Variants in AFAP1L2 observed in about 807,000 individuals in gnomAD.
AFAP1L2 encodes the protein actin filament associated protein 1 like 2, also known as actin filament-associated protein 1-like 2.
Under a neutral mutation model 99.3 loss-of-function variants are expected in AFAP1L2, and 46 were observed. That is an observed-to-expected ratio of 0.46 (90% confidence interval 0.37 to 0.59). AFAP1L2 has a LOEUF of 0.59. Among genes scored for constraint, AFAP1L2 ranks in the 20% least tolerant of loss-of-function variants. AFAP1L2 has a pLI of 0.00. For synonymous variants in AFAP1L2, 397 were observed against 419.1 expected (o/e 0.95, Z 0.64); for missense variants, 959 against 1,034.9 (o/e 0.93, Z 1.01).
chr10:114,330,845 G>A (rs1422025147), intron 4 of AFAP1L2, among the ~76,000 whole-genome samples: 4 of 152,216 alleles, frequency 2.6e-5, no homozygotes, highest in Non-Finnish European at 5.9e-5. Context: ...ATCAGGAGAG[G>A]AGACAGTAAA....
chr10:114,307,768 A>C, intron 10 of AFAP1L2, 37 bp downstream of exon 10: 2 of 1,578,998 alleles, frequency 1.3e-6, no homozygotes, highest in African/African-American at 2.7e-5. Context: ...AGCCCAGGAA[A>C]TGAGCCTGTG....
chr10:114,327,177 T>TATATATATATATATATATATA lies in AFAP1L2; in HGVS notation c.316-3917_316-3916insTATATATATATATATATATAT, dbSNP rs2046492525. 2.5e-4 allele frequency among the ~76,000 whole-genome samples: 17 copies of TATATATATATATATATATATA among 67,218 alleles called. 1 individual carries two copies. The highest frequency in any genetic ancestry group is 6.7e-4 in the Admixed American group (3 of 4,504). The allele number at this position is 67,218 out of a possible 152,430, so 44.1% of individuals were successfully genotyped here. ...TATATATATATATATATATATATTT[T>TATATATATATATATATATATA]TTTTTTAGGCAGAGTCTCACTGTGT... On this transcript the variant is annotated intron_variant, in intron 4 of 18. Transcript: ENST00000304129.
intron 16 of AFAP1L2, among the ~76,000 whole-genome samples, chr10:114,298,674 C>A (rs1432716348): frequency 6.6e-6 from 1 of 152,130 alleles, no homozygotes; most frequent in African/African-American, 2.4e-5. Flanking sequence ...CATTGCAAGA[C>A]CCCATCTCAA....
At position 114,304,674 on chromosome 10, in the gene AFAP1L2, C is replaced by T. The variant is rs200440623; in HGVS notation, c.1284+45G>A. The T allele has an allele frequency of 1.9e-4, 285 of 1,512,294 alleles. 2 individuals are homozygous for T. The African/African-American group carries it at 3.4e-3, about 18-fold the overall frequency. The allele number at this position is 1,512,294 out of a possible 1,614,324, so 93.7% of individuals were successfully genotyped here. A position where few individuals can be genotyped will look rare whatever the true frequency, so the allele number is the denominator to read the frequency against. ...GAGACTGGCAGCAAACAGCCACCAC[C>T]GCCACACCCTGGCTGGCCCTGCTCC... is the stretch of plus-strand genomic sequence containing the variant. On this transcript the variant is annotated intron_variant, in intron 11 of 18. Coordinates refer to ENST00000304129, the MANE Select transcript of AFAP1L2 (RefSeq NM_001001936.3).
At chr10:114,349,589 G>A (rs2050151126) in intron 1 of AFAP1L2, among the ~76,000 whole-genome samples, 1 of 147,438 alleles carries the variant, frequency 6.8e-6, no homozygotes. Flanking sequence ...CAGTGTAGAA[G>A]GCAAGGGTCA....
chr10:114,405,084 G>T (rs924060590), upstream of AFAP1L2, among the ~76,000 whole-genome samples: 1 of 152,188 alleles, frequency 6.6e-6, no homozygotes, highest in Non-Finnish European at 1.5e-5. Context: ...AACCTCTCTG[G>T]GCAGCCGCTG....
chr10:114,339,122 A>G (rs1489506031), intron 2 of AFAP1L2, among the ~76,000 whole-genome samples: 1 of 152,232 alleles, frequency 6.6e-6, no homozygotes, highest in Non-Finnish European at 1.5e-5. Context: ...ATAATTTATT[A>G]TTCCATCTCT....
chr10:114,387,415 C>A (rs1590800979), intron 1 of AFAP1L2, among the ~76,000 whole-genome samples: 1 of 152,110 alleles, frequency 6.6e-6, no homozygotes, highest in East Asian at 1.9e-4. Context: ...TCCCCTGCCC[C>A]ACATAGAACC....
chr10:114,364,109 G>A (rs1241986534), intron 1 of AFAP1L2, among the ~76,000 whole-genome samples: 3 of 152,160 alleles, frequency 2.0e-5, no homozygotes, highest in Non-Finnish European at 2.9e-5. Context: ...CTCTTTGCTT[G>A]CTGACATTCT....
chr10:114,359,985 G>C (rs1013620449), intron 1 of AFAP1L2, among the ~76,000 whole-genome samples: 13 of 152,190 alleles, frequency 8.5e-5, no homozygotes, highest in Non-Finnish European at 1.5e-4. Flanking sequence ...CCCACAAAGA[G>C]AGTGTGATGG....
intron 1 of AFAP1L2, among the ~76,000 whole-genome samples, chr10:114,364,785 G>A (rs995281688): frequency 6.6e-6 from 1 of 152,280 alleles, no homozygotes; most frequent in South Asian, 2.1e-4. Flanking sequence ...CACTGAGCAA[G>A]ATCCTTCCTC....
chr10:114,336,277 C>T (rs1202075694), intron 2 of AFAP1L2, among the ~76,000 whole-genome samples: 3 of 152,216 alleles, frequency 2.0e-5, no homozygotes, highest in Non-Finnish European at 4.4e-5. Flanking sequence ...ACTGGGAGGC[C>T]ACGGACAGGC....
intron 5 of AFAP1L2, among the ~76,000 whole-genome samples, chr10:114,319,802 G>C (rs1220970159): frequency 1.3e-5 from 2 of 152,156 alleles, no homozygotes; most frequent in East Asian, 1.9e-4. Flanking sequence ...AGAGGTGTAG[G>C]CTGTTGGGTG....
intron 10 of AFAP1L2, among the ~76,000 whole-genome samples, chr10:114,305,392 G>T (rs2042040099): frequency 7.2e-6 from 1 of 139,310 alleles, no homozygotes; most frequent in Non-Finnish European, 1.6e-5. Context: ...CGGGGCTGCA[G>T]GAGGGGACGG....
At chr10:114,380,769 T>A (rs1051841095) in intron 1 of AFAP1L2, among the ~76,000 whole-genome samples, 9 of 152,248 alleles carry the variant, frequency 5.9e-5, no homozygotes, top group African/African-American at 1.9e-4. Flanking sequence ...CAATGGGGTA[T>A]CCATCTGGAA....
chr10:114,331,840 G>A lies in AFAP1L2; in HGVS notation c.278C>T (p.Pro93Leu). 1 of 1,396,426 alleles carries A rather than the reference G, an allele frequency of 7.2e-7. No individual in the cohort carries two copies. The highest frequency in any genetic ancestry group is 1.5e-5 in the African/African-American group (1 of 67,016). 86.5% of individuals were successfully genotyped at this position (1,396,426 alleles called of 1,614,324 possible). ...NGEPSQHSSA[P>L]QKSLPDLPPP... ...CGGGAGGTCTGGAAGGCTCTTCTGA[G>A]GGGCCGAGGAGTGCTGGCTGGGCTC... Residue 93 changes from proline (P) to leucine (L), a missense_variant, in exon 4 of 19, where the codon CCT (proline) becomes CTT (leucine). This residue lies in a region of AFAP1L2 where 383 missense variants were observed against 472.8 expected (regional missense o/e 0.81). Transcript: ENST00000304129.
intron 1 of AFAP1L2, among the ~76,000 whole-genome samples, chr10:114,353,577 C>T (rs576077974): frequency 1.6e-4 from 24 of 152,324 alleles, no homozygotes; most frequent in East Asian, 7.7e-4. Flanking sequence ...GCAAGTTCAG[C>T]GCTCAGAATC....
rs58888686 is a variant in AFAP1L2, at chr10:114,300,840, C to T, written c.1543-150G>A. ...TGCTGGGGGGGCCACTGGCTGAGTC[C>T]TAGATATGTCACTCGAGGTGGAAGA... On this transcript the variant is annotated intron_variant, in intron 13 of 18. Transcript: ENST00000304129. 9.7e-3 allele frequency: 10,373 copies of T among 1,067,252 alleles called. 683 individuals carry two copies. The African/African-American group carries it at 0.15, about 15-fold the overall frequency. The allele number at this position is 1,067,252 out of a possible 1,614,324, so 66.1% of individuals were successfully genotyped here. A position where few individuals can be genotyped will look rare whatever the true frequency, so the allele number is the denominator to read the frequency against.
intron 5 of AFAP1L2, among the ~76,000 whole-genome samples, chr10:114,320,333 G>A (rs1204360846): frequency 6.6e-6 from 1 of 152,206 alleles, no homozygotes; most frequent in Non-Finnish European, 1.5e-5. Context: ...CAAGCAACTG[G>A]CCTTTTGCAA....
Sources: allele counts gnomAD v4.1 joint callset (sites outside exome capture counted in the v4.1 genomes callset), GRCh38; gene constraint gnomAD v4.1.1; regional missense constraint gnomAD v4.1.1; transcripts MANE v1.5; gene names NCBI Gene and HGNC (gene_info 2026-07-23, HGNC 2026-07-21).